AKAP8: variants seen among roughly 807,000 people sequenced by gnomAD.
The protein encoded by AKAP8 is A-kinase anchor protein 8.
AKAP8 carries 24 observed loss-of-function variants against 67.5 expected under a neutral mutation model. That is an observed-to-expected ratio of 0.36 (90% CI 0.26 to 0.50). The LOEUF (loss-of-function observed/expected upper bound fraction) is 0.50, where lower values mean the gene tolerates loss of function less well. AKAP8 is among the 20% of genes least tolerant of loss of function. AKAP8 has a pLI of 0.97. For missense variants in AKAP8, 971 were observed against 955.9 expected (o/e 1.02, Z -0.21); for synonymous variants, 400 against 371.1 (o/e 1.08, Z -0.90).
chr19:15,361,507 C>T (rs975851009), intron 11 of AKAP8: 13 of 433,306 alleles, frequency 3.0e-5, no homozygotes, highest in Middle Eastern at 7.0e-4. Context: ...CCCGCCACCA[C>T]GCCCGGCTAA....
At chr19:15,378,529 GA>G (rs1967298279) in intron 1 of AKAP8, among the ~76,000 whole-genome samples, 2 of 152,312 alleles carry the variant, frequency 1.3e-5, no homozygotes, top group Non-Finnish European at 2.9e-5. Flanking sequence ...AAAGAATGGT[GA>G]AATCTACCCA....
chr19:15,372,975 G>A lies in AKAP8; in HGVS notation c.737C>T (p.Ser246Phe). The change falls in exon 5 of 14, where the codon TCC becomes TTC. Residue 246 changes from serine (S) to phenylalanine (F), a missense_variant. By Grantham distance (155) the Ser-to-Phe change is radical. This residue lies in a region of AKAP8 where 763 missense variants were observed against 745.4 expected (regional missense o/e 1.02). Transcript: ENST00000269701. Reference protein sequence around the residue: ...GGPSPSRPPPSLFSQSMAPDY... With the variant: ...GGPSPSRPPPFLFSQSMAPDY... ...GGGAGCCATGGACTGGGAGAAGAGG[G>A]ACGGAGGTGGCCGGCTGGGGGAGGG... The A allele has an allele frequency of 6.4e-7, 1 of 1,564,304 alleles. No individual in the cohort carries two copies.
At chr19:15,378,441 G>A (rs1163698573) in intron 1 of AKAP8, among the ~76,000 whole-genome samples, 3 of 151,902 alleles carry the variant, frequency 2.0e-5, no homozygotes, top group South Asian at 2.1e-4. Context: ...GGAAGAGGGG[G>A]TAAAAAAAAC....
chr19:15,362,166 C>CT lies in AKAP8; in HGVS notation c.1245dup (p.Glu416ArgfsTer27). The CT allele has an allele frequency of 6.2e-7, 1 of 1,614,112 alleles. No individual in the cohort carries two copies. Reference sequence around the variant, plus strand: ...TTGGTGCTTATGAACCGCAGGGTCTCTTTGTGAAATTTGCTTTGCAGATGC... The same window carrying CT: ...TTGGTGCTTATGAACCGCAGGGTCTCTTTTGTGAAATTTGCTTTGCAGATGC... On this transcript the variant is annotated frameshift_variant, in exon 10 of 14. Transcript: ENST00000269701. LOFTEE classifies it high-confidence loss of function.
chr19:15,367,292 G>A (rs1245049581), intron 9 of AKAP8, among the ~76,000 whole-genome samples: 1 of 152,140 alleles, frequency 6.6e-6, no homozygotes, highest in Non-Finnish European at 1.5e-5. Flanking sequence ...CACTTTGGGA[G>A]GCCAAGGCGG....
At position 15,369,238 on chromosome 19, in the gene AKAP8, A is replaced by T. The variant is rs1396638240; in HGVS notation, c.1072+908T>A. On this transcript the variant is annotated intron_variant, in intron 8 of 13. Coordinates refer to ENST00000269701, the MANE Select transcript of AKAP8 (RefSeq NM_005858.4). The surrounding 1 kb of genome is among the most constrained non-coding windows in gnomAD (Gnocchi z 4.6). ...AGGTAGCAGGACCTGCGCGCAACAG[A>T]CATGTCACCTTTGCTTTAGCATTGT... The T allele has an allele frequency of 1.2e-5, 12 of 985,358 alleles. No homozygotes were observed. Among genetic ancestry groups the T allele is most frequent in the African/African-American group, 1.7e-5 (1 of 57,244 alleles). The allele number at this position is 985,358 out of a possible 1,614,324, so 61.0% of individuals were successfully genotyped here.
intron 8 of AKAP8, chr19:15,368,715 G>C: frequency 1.0e-6 from 1 of 985,352 alleles, no homozygotes; most frequent in Non-Finnish European, 1.2e-6. Context: ...GGCGGCAGCT[G>C]AAGGCCTCAG....
At chr19:15,373,429 A>C in intron 4 of AKAP8, 89 bp from the exon 5 acceptor site, 3 of 1,466,650 alleles carry the variant, frequency 2.0e-6, no homozygotes, top group Non-Finnish European at 2.7e-6. Flanking sequence ...CCCTACATTC[A>C]AAACAGCAAA....
rs938578847 is a variant in AKAP8 at position 15,353,865 on chromosome 19, T to G, written c.*1050A>C. On this transcript the variant is annotated 3_prime_UTR_variant, in exon 14 of 14. Coordinates refer to ENST00000269701, the MANE Select transcript of AKAP8 (RefSeq NM_005858.4). ...ACCTTGAACACATGCTAGCCTCCCTTTCTCAGATTTGGAAAGATCTAAAGT... is the reference window on the plus strand; with the variant it reads ...ACCTTGAACACATGCTAGCCTCCCTGTCTCAGATTTGGAAAGATCTAAAGT... 1 of 152,092 alleles carries G rather than the reference T, an allele frequency of 6.6e-6. No homozygotes were observed. Among genetic ancestry groups the G allele is most frequent in the African/African-American group, 2.4e-5 (1 of 41,414 alleles). 9.4% of individuals were successfully genotyped at this position (152,092 alleles called of 1,614,324 possible).
chr19:15,369,748 C>T lies in AKAP8; in HGVS notation c.1072+398G>A, dbSNP rs1327892784. Among the ~76,000 whole-genome samples, 1 of 152,338 alleles carries T rather than the reference C, an allele frequency of 6.6e-6. No individual in the cohort carries two copies. Among genetic ancestry groups the T allele is most frequent in the Non-Finnish European group, 1.5e-5 (1 of 68,026 alleles). ...CCACAGCACAGCCCAGGGCAGGCGA[C>T]TGAAGGAACTGGACAAAAGGAAGCC... On this transcript the variant is annotated intron_variant, in intron 8 of 13. Coordinates refer to ENST00000269701, the MANE Select transcript of AKAP8 (RefSeq NM_005858.4). The surrounding 1 kb of genome is among the most constrained non-coding windows in gnomAD (Gnocchi z 4.6).
At chr19:15,361,238 G>A (rs1401861150) in intron 11 of AKAP8, among the ~76,000 whole-genome samples, 1 of 145,726 alleles carries the variant, frequency 6.9e-6, no homozygotes, top group Non-Finnish European at 1.5e-5. Context: ...ACTGATATAA[G>A]CTGCAATCTA....
At chr19:15,372,824 G>T in intron 5 of AKAP8, 27 bp downstream of exon 5, 1 of 1,480,920 alleles carries the variant, frequency 6.8e-7, no homozygotes. Context: ...AGCGAAGGCG[G>T]CCGGAAGGAA....
intron 9 of AKAP8, among the ~76,000 whole-genome samples, chr19:15,363,712 G>A (rs1967019533): frequency 6.6e-6 from 1 of 152,214 alleles, no homozygotes. Context: ...TTGTGGAATA[G>A]AAAGGCGGGA....
At chr19:15,357,541 G>C (rs777585283) in intron 13 of AKAP8, among the ~76,000 whole-genome samples, 22 of 150,696 alleles carry the variant, frequency 1.5e-4, no homozygotes, top group Non-Finnish European at 3.1e-4. Context: ...TCAGGAATTC[G>C]AGGCTGCAGA....
chr19:15,368,272 T>G lies in AKAP8; in HGVS notation c.1123A>C (p.Arg375=), dbSNP rs761637385. 2.5e-6 allele frequency: 4 copies of G among 1,613,460 alleles called. No individual in the cohort carries two copies. In the East Asian group the frequency reaches 8.9e-5, roughly 36 times the overall value. ...CGGTCCCGCGTCCTGTCTCTTCTCC[T>G]TTGCTTTTCCCTTCTCTTCTTCACA... The part of the protein sequence containing the change: ...EDVKKRREKQ[R]RRDRTRDRAA... The change falls in exon 9 of 14, where the codon AGG becomes CGG. Residue 375 remains arginine (R), a synonymous_variant. Coordinates refer to ENST00000269701, the MANE Select transcript of AKAP8 (RefSeq NM_005858.4).
At chr19:15,376,553 C>CCTGA (rs1463242655) in intron 2 of AKAP8, among the ~76,000 whole-genome samples, 1 of 152,086 alleles carries the variant, frequency 6.6e-6, no homozygotes, top group Non-Finnish European at 1.5e-5. Context: ...ACTCAGTACA[C>CCTGA]CTGAGTGGAG....
rs1555752602 is a variant in AKAP8, at chr19:15,355,290, C to G, written c.1704G>C (p.Glu568Asp). The G allele has an allele frequency of 1.2e-6, 2 of 1,613,714 alleles. No homozygotes were observed. Among genetic ancestry groups the G allele is most frequent in the Admixed American group, 3.3e-5 (2 of 60,008 alleles). ...CGTCCGCGGCCACCTCCTCAGGTGT[C>G]TCTTTCTTATCCTCACCTCCTAAAT... ...DDNLGGEDKK[E>D]TPEEVAADVL... Residue 568 changes from glutamate (E) to aspartate (D), a missense_variant, in exon 14 of 14, where the codon GAG (glutamate) becomes GAC (aspartate). This residue lies in a region of AKAP8 where 204 missense variants were observed against 193.0 expected (regional missense o/e 1.06). Transcript: ENST00000269701.
intron 9 of AKAP8, among the ~76,000 whole-genome samples, chr19:15,366,982 A>T (rs1352270152): frequency 6.6e-6 from 1 of 151,988 alleles, no homozygotes; most frequent in African/African-American, 2.4e-5. Context: ...ACCTTGGCTC[A>T]CTACAAAGTC....
intron 9 of AKAP8, among the ~76,000 whole-genome samples, chr19:15,363,470 C>A (rs1182026657): frequency 2.8e-5 from 4 of 142,784 alleles, no homozygotes; most frequent in African/African-American, 1.1e-4. Flanking sequence ...GCCGCCCCGT[C>A]CGGGAGGGAG....
Sources: gnomAD v4.1 joint callset for allele counts (sites outside exome capture counted in the v4.1 genomes callset) on GRCh38, gnomAD v4.1.1 for gene constraint, gnomAD v4.1.1 regional missense constraint, Gnocchi (gnomAD v3.1) non-coding constraint, MANE v1.5 for transcripts, NCBI Gene and HGNC (gene_info 2026-07-23, HGNC 2026-07-21) for gene names.